NRXN3: variants seen among roughly 807,000 people sequenced by gnomAD.
NRXN3 encodes the protein neurexin 3, also known as neurexin III.
In NRXN3, 32 loss-of-function variants were observed where a neutral mutation model predicts 137.6. That is an observed-to-expected ratio of 0.23 (90% CI 0.18 to 0.31). The LOEUF is 0.31. Among genes scored for constraint, NRXN3 ranks in the 10% least tolerant of loss-of-function variants. NRXN3 has a pLI of 1.00. For missense variants in NRXN3, 1,574 were observed against 2,062.5 expected, an observed-to-expected ratio of 0.76 and a Z score of 4.59; for synonymous variants, 798 against 784.5, an observed-to-expected ratio of 1.02 and a Z score of -0.29.
chr14:78,709,249 G>A lies in NRXN3; in HGVS notation c.1254G>A (p.Glu418=). 1.9e-6 allele frequency: 3 copies of A among 1,613,980 alleles called. No individual in the cohort carries two copies. The highest frequency in any genetic ancestry group is 2.5e-6 in the Non-Finnish European group (3 of 1,179,964). The change falls in exon 7 of 21, where the codon GAG becomes GAA. Residue 418 remains glutamate, a synonymous_variant. Transcript: ENST00000335750. ...ATAAGAATAATGACATCCGTCTGGAGCTGTCTCGCCTGGCCCGGATTGCGG... is the reference window on the plus strand; with the variant it reads ...ATAAGAATAATGACATCCGTCTGGAACTGTCTCGCCTGGCCCGGATTGCGG... ...VVYKNNDIRL[E]LSRLARIADT... is the part of the protein sequence containing the mutation.
chr14:78,619,515 A>G (rs1476187957), intron 4 of NRXN3, among the ~76,000 whole-genome samples: 1 of 152,162 alleles, frequency 6.6e-6, no homozygotes, highest in Non-Finnish European at 1.5e-5. Context: ...TGAGATTCCC[A>G]TAATCCCCAT....
At chr14:78,466,982 C>A (rs2095125575) in intron 4 of NRXN3, among the ~76,000 whole-genome samples, 1 of 152,148 alleles carries the variant, frequency 6.6e-6, no homozygotes, top group Non-Finnish European at 1.5e-5. Flanking sequence ...TGTACCCCTG[C>A]ACTTAAAAGT....
At chr14:78,175,278 T>C (rs28644780) in intron 1 of NRXN3, among the ~76,000 whole-genome samples, 37,829 of 152,080 alleles carry the variant, frequency 0.25, 5,095 homozygotes, top group East Asian at 0.32. Context: ...CCTGAGGAGT[T>C]AGGGAGACAG....
At chr14:78,720,758 A>C (rs1166463358) in intron 8 of NRXN3, among the ~76,000 whole-genome samples, 1 of 152,194 alleles carries the variant, frequency 6.6e-6, no homozygotes, top group Non-Finnish European at 1.5e-5. Context: ...TCTTCTTTAG[A>C]ATATTAAAGT....
At chr14:79,440,889 ACT>A (rs1393020220) in intron 15 of NRXN3, among the ~76,000 whole-genome samples, 1 of 151,936 alleles carries the variant, frequency 6.6e-6, no homozygotes, top group Non-Finnish European at 1.5e-5. Flanking sequence ...GATATATGAG[ACT>A]CTGGGGTAAT....
intron 4 of NRXN3, among the ~76,000 whole-genome samples, chr14:78,523,582 G>A (rs1160507406): frequency 2.0e-5 from 3 of 146,830 alleles, no homozygotes; most frequent in Admixed American, 1.4e-4. Flanking sequence ...GGCGGATCAC[G>A]GGGTCAGGAG....
rs537746147 is a variant in NRXN3 at position 79,722,192 on chromosome 14, T to C, written c.4014+24255T>C. Among the ~76,000 whole-genome samples, 3 of 152,204 alleles carry C rather than the reference T, an allele frequency of 2.0e-5. No homozygotes were observed. In the South Asian group the frequency reaches 6.2e-4, roughly 32 times the overall value. ...TTAAATACACCCCTCCTCTCCATCATCACTGCCATTGTGTTCCTTCTGACT... is the reference window on the plus strand; with the variant it reads ...TTAAATACACCCCTCCTCTCCATCACCACTGCCATTGTGTTCCTTCTGACT... On this transcript the variant is annotated intron_variant, in intron 19 of 20. Transcript: ENST00000335750.
At chr14:78,234,997 TA>T (rs2051419540) in intron 1 of NRXN3, among the ~76,000 whole-genome samples, 2 of 23,894 alleles carry the variant, frequency 8.4e-5, no homozygotes, top group African/African-American at 3.2e-4. Context: ...AATGCTTTTA[TA>T]TATATATATA....
At position 78,967,264 on chromosome 14, in the gene NRXN3, G is replaced by C. The variant is rs1412003264; in HGVS notation, c.2834G>C (p.Ser945Thr). 6.2e-7 allele frequency: 1 copy of C among 1,613,306 alleles called. No homozygotes were observed. The highest frequency in any genetic ancestry group is 1.1e-5 in the South Asian group (1 of 91,040). Reference sequence around the variant, plus strand: ...GGTCCCAATGTGATCAAAGGCAACAGTGACCGCCCCCTGAATGACAACCAG... The same window carrying C: ...GGTCCCAATGTGATCAAAGGCAACACTGACCGCCCCCTGAATGACAACCAG... ...GNGPNVIKGN[S>T]DRPLNDNQWH... The change falls in exon 13 of 21, where the codon AGT becomes ACT. Residue 945 changes from serine (S) to threonine (T), a missense_variant. Physicochemically the swap from Ser to Thr is moderately conservative, Grantham distance 58. Coordinates refer to ENST00000335750, the MANE Select transcript of NRXN3 (RefSeq NM_001330195.2).
At chr14:78,217,850 AG>A (rs2063454549) in intron 1 of NRXN3, among the ~76,000 whole-genome samples, 1 of 152,106 alleles carries the variant, frequency 6.6e-6, no homozygotes, top group South Asian at 2.1e-4. Context: ...TAGTGGAGAC[AG>A]GGTTTCACCA....
intron 19 of NRXN3, among the ~76,000 whole-genome samples, chr14:79,716,249 C>A (rs539112246): frequency 2.0e-5 from 3 of 152,266 alleles, no homozygotes; most frequent in African/African-American, 7.2e-5. Flanking sequence ...CCTCACAGAC[C>A]CATGTGCAAG....
chr14:78,465,104 G>A (rs1209666902), intron 4 of NRXN3, among the ~76,000 whole-genome samples: 1 of 152,046 alleles, frequency 6.6e-6, no homozygotes, highest in Non-Finnish European at 1.5e-5. Context: ...GTATGTGCAA[G>A]TGTTCACAGA....
At chr14:79,400,611 A>G (rs1599743693) in intron 15 of NRXN3, among the ~76,000 whole-genome samples, 1 of 152,334 alleles carries the variant, frequency 6.6e-6, no homozygotes, top group East Asian at 1.9e-4. Context: ...CTACATAACC[A>G]TTAGTTTGTG....
intron 4 of NRXN3, among the ~76,000 whole-genome samples, chr14:78,380,198 A>G (rs1298910928): frequency 6.6e-6 from 1 of 152,014 alleles, no homozygotes; most frequent in African/African-American, 2.4e-5. Flanking sequence ...TCCAGGTTGT[A>G]ATGAGTTGAG....
At position 79,752,744 on chromosome 14, in the gene NRXN3, T is replaced by C. The variant is rs1226451861; in HGVS notation, c.4015-52368T>C. 2.0e-5 allele frequency among the ~76,000 whole-genome samples: 3 copies of C among 151,970 alleles called. No homozygotes were observed. The East Asian group carries it at 5.8e-4, about 29-fold the overall frequency. On this transcript the variant is annotated intron_variant, in intron 19 of 20. Transcript: ENST00000335750. ...GGATCTAATTAAACTAAAGAGCTTC[T>C]GCACAGCAGAAGAAACTACCATCAG...
chr14:79,130,025 T>G (rs1051123546), intron 15 of NRXN3, among the ~76,000 whole-genome samples: 64 of 152,096 alleles, frequency 4.2e-4, no homozygotes, highest in Admixed American at 5.2e-4. Flanking sequence ...GTTTTCCATT[T>G]GCTTGGTAGA....
At chr14:79,211,946 G>T (rs1392841622) in intron 15 of NRXN3, among the ~76,000 whole-genome samples, 1 of 152,130 alleles carries the variant, frequency 6.6e-6, no homozygotes, top group Non-Finnish European at 1.5e-5. Flanking sequence ...CTTGAGGCTG[G>T]ACTTGTCAAG....
At chr14:78,731,377 TA>T (rs2098514557) in intron 8 of NRXN3, among the ~76,000 whole-genome samples, 1 of 152,132 alleles carries the variant, frequency 6.6e-6, no homozygotes, top group Non-Finnish European at 1.5e-5. Context: ...ATTCTAAAAT[TA>T]ATATATATTT....
chr14:79,823,681 T>C (rs2099279670), intron 20 of NRXN3, among the ~76,000 whole-genome samples: 1 of 152,234 alleles, frequency 6.6e-6, no homozygotes, highest in Non-Finnish European at 1.5e-5. Flanking sequence ...AAGAGTATAC[T>C]AGGAGACCAG....
Sources: allele counts gnomAD v4.1 joint callset (sites outside exome capture counted in the v4.1 genomes callset), GRCh38; gene constraint gnomAD v4.1.1; transcripts MANE v1.5; gene names NCBI Gene and HGNC (gene_info 2026-07-23, HGNC 2026-07-21).